VPS13B: variants seen among roughly 807,000 people sequenced by gnomAD.
The protein encoded by VPS13B is vacuolar protein sorting 13 homolog B.
VPS13B carries 285 observed loss-of-function variants against 426.4 expected under a neutral mutation model. The observed-to-expected ratio is 0.67, with a 90% CI of 0.61 to 0.74. The LOEUF (loss-of-function observed/expected upper bound fraction) is 0.74. Ranked by LOEUF, VPS13B falls within the 30% of genes least tolerant of loss-of-function variation. VPS13B has a pLI of 0.00. For missense variants in VPS13B, 4,537 were observed against 4,782.6 expected (o/e 0.95, Z 1.51); for synonymous variants, 1,676 against 1,676.4 (o/e 1.00, Z 0.01).
chr8:99,429,015 C>T (rs1816920165), intron 21 of VPS13B, among the ~76,000 whole-genome samples: 1 of 152,056 alleles, frequency 6.6e-6, no homozygotes, highest in Admixed American at 6.5e-5. Flanking sequence ...TCATTCTCAG[C>T]AAACTAACGC....
chr8:99,417,098 C>G (rs1197628721), intron 21 of VPS13B, among the ~76,000 whole-genome samples: 1 of 152,048 alleles, frequency 6.6e-6, no homozygotes, highest in Non-Finnish European at 1.5e-5. Context: ...ACTTTTCCTT[C>G]CTTTCTGGCC....
At chr8:99,450,726 A>AT (rs1306677604) in intron 23 of VPS13B, among the ~76,000 whole-genome samples, 1 of 151,836 alleles carries the variant, frequency 6.6e-6, no homozygotes, top group Non-Finnish European at 1.5e-5. Flanking sequence ...AGAAAAAAAA[A>AT]TTTTTTTCTT....
chr8:99,639,022 C>T (rs1051735157), intron 33 of VPS13B, among the ~76,000 whole-genome samples: 1 of 152,110 alleles, frequency 6.6e-6, no homozygotes, highest in African/African-American at 2.4e-5. Context: ...AACAGCTGCC[C>T]ATTGTTGGAT....
intron 33 of VPS13B, among the ~76,000 whole-genome samples, chr8:99,593,002 G>C (rs1049459064): frequency 1.3e-5 from 2 of 152,084 alleles, no homozygotes; most frequent in African/African-American, 4.8e-5. Flanking sequence ...ACATAGGCAT[G>C]GGCAAAGATT....
intron 4 of VPS13B, among the ~76,000 whole-genome samples, chr8:99,102,527 T>G (rs1394601355): frequency 6.6e-6 from 1 of 152,186 alleles, no homozygotes; most frequent in Non-Finnish European, 1.5e-5. Flanking sequence ...AAAAGAGGCT[T>G]AAGCTTAAAG....
In VPS13B at chr8:99,875,784, ACCT is replaced by A; in HGVS notation, c.*120_*122del. ...ATTCTGGGGTTCAAGCAATCCTCCC[ACCT>A]CAACCCACAAGTAGCTACGACTGCA... is the stretch of plus-strand genomic sequence containing the variant. On this transcript the variant is annotated 3_prime_UTR_variant, in exon 62 of 62. Coordinates refer to ENST00000357162, the MANE Select transcript of VPS13B (RefSeq NM_152564.5). 7.5e-7 allele frequency: 1 copy of A among 1,339,210 alleles called. No homozygotes were observed. Among genetic ancestry groups the A allele is most frequent in the Non-Finnish European group, 1.0e-6 (1 of 957,868 alleles). 83.0% of individuals were successfully genotyped at this position (1,339,210 alleles called of 1,614,324 possible).
chr8:99,551,891 C>T (rs958439495), intron 30 of VPS13B, among the ~76,000 whole-genome samples: 1 of 151,846 alleles, frequency 6.6e-6, no homozygotes, highest in African/African-American at 2.4e-5. Flanking sequence ...CTTTGGGCTG[C>T]CTGGATTTAG....
At chr8:99,508,321 TG>T (rs1821609248) in intron 28 of VPS13B, among the ~76,000 whole-genome samples, 1 of 152,198 alleles carries the variant, frequency 6.6e-6, no homozygotes, top group African/African-American at 2.4e-5. Context: ...GGTACCTTCT[TG>T]AATCTGAACA....
At chr8:99,014,520 T>C (rs775449566) in intron 2 of VPS13B, among the ~76,000 whole-genome samples, 1 of 152,108 alleles carries the variant, frequency 6.6e-6, no homozygotes, top group Non-Finnish European at 1.5e-5. Context: ...CATGTCAGAA[T>C]TGTTCGGTCT....
intron 33 of VPS13B, among the ~76,000 whole-genome samples, chr8:99,630,268 C>A (rs1206304800): frequency 6.6e-6 from 1 of 152,080 alleles, no homozygotes; most frequent in Non-Finnish European, 1.5e-5. Flanking sequence ...ATTAATAAAC[C>A]TTTTATTTGA....
chr8:99,496,692 T>C (rs1215245838), intron 25 of VPS13B, among the ~76,000 whole-genome samples: 1 of 152,006 alleles, frequency 6.6e-6, no homozygotes, highest in African/African-American at 2.4e-5. Context: ...TTCCTCTTCA[T>C]GACAAGTAAA....
intron 51 of VPS13B, among the ~76,000 whole-genome samples, chr8:99,824,535 T>C (rs1814556078): frequency 6.6e-6 from 1 of 152,056 alleles, no homozygotes; most frequent in Non-Finnish European, 1.5e-5. Flanking sequence ...AAATGAATAG[T>C]TAATATTTTA....
At chr8:99,540,573 T>C (rs1823562875) in intron 30 of VPS13B, among the ~76,000 whole-genome samples, 2 of 152,186 alleles carry the variant, frequency 1.3e-5, no homozygotes, top group African/African-American at 4.8e-5. Flanking sequence ...GTGAAGAATA[T>C]CCTTTTTCAC....
At chr8:99,595,378 A>C (rs917603927) in intron 33 of VPS13B, among the ~76,000 whole-genome samples, 8 of 151,938 alleles carry the variant, frequency 5.3e-5, no homozygotes, top group East Asian at 1.9e-4. Context: ...AGTGGAGGAA[A>C]GAATAGTATT....
intron 19 of VPS13B, among the ~76,000 whole-genome samples, chr8:99,371,187 C>T (rs1447808799): frequency 6.6e-6 from 1 of 152,174 alleles, no homozygotes; most frequent in Non-Finnish European, 1.5e-5. Flanking sequence ...ATGGCTAACA[C>T]CACAGTTTGT....
At chr8:99,269,275 G>C (rs1818456235) in intron 17 of VPS13B, among the ~76,000 whole-genome samples, 1 of 152,178 alleles carries the variant, frequency 6.6e-6, no homozygotes, top group Admixed American at 6.5e-5. Context: ...TGACTGTGCA[G>C]TATAACTTAT....
chr8:99,665,600 G>C (rs903857195), intron 35 of VPS13B, among the ~76,000 whole-genome samples: 35 of 152,078 alleles, frequency 2.3e-4, no homozygotes, highest in African/African-American at 7.2e-4. Context: ...GCTTGTTTTT[G>C]TCAGGTTTTT....
Position 99,391,618 on chromosome 8 carries a change from C to T in VPS13B, c.2996C>T (p.Ser999Phe). 3.7e-6 allele frequency: 6 copies of T among 1,614,128 alleles called. No homozygotes were observed. The highest frequency in any genetic ancestry group is 5.1e-6 in the Non-Finnish European group (6 of 1,179,986). Residue 999 changes from serine to phenylalanine, a missense_variant, in exon 21 of 62, where the codon TCT (serine) becomes TTT (phenylalanine). Ser to Phe is a radical substitution (Grantham distance 155). This residue lies in a region of VPS13B where 4,311 missense variants were observed against 4,474.3 expected (regional missense o/e 0.96). Coordinates refer to ENST00000357162, the MANE Select transcript of VPS13B (RefSeq NM_152564.5). The stretch of plus-strand genomic sequence containing the variant: ...TGTAGAAGGAAAGAGGATGAGGTGT[C>T]TATTGGAAGTGCCCCCTTGGCAAAG... ...PVCRRKEDEV[S>F]IGSAPLAKQQ...
rs868699991 is a variant in VPS13B, at chr8:99,341,268, G to A, written c.2825-42940G>A. ...AAAATCATTATGATGTTGGTCTGTC[G>A]TGGAAGTCTCATTAACTGTTTCCTT... On this transcript the variant is annotated intron_variant, in intron 19 of 61. Coordinates refer to ENST00000357162, the MANE Select transcript of VPS13B (RefSeq NM_152564.5). The A allele has an allele frequency of 5.8e-5, 10 of 171,424 alleles. No homozygotes were observed. The South Asian group carries it at 6.2e-4, about 11-fold the overall frequency. The allele number at this position is 171,424 out of a possible 1,614,324, so 10.6% of individuals were successfully genotyped here.
Sources: gnomAD v4.1 joint callset for allele counts (sites outside exome capture counted in the v4.1 genomes callset) on GRCh38, gnomAD v4.1.1 for gene constraint, gnomAD v4.1.1 regional missense constraint, MANE v1.5 for transcripts, NCBI Gene and HGNC (gene_info 2026-07-23, HGNC 2026-07-21) for gene names.